The following KIF7 variants were observed in gnomAD, a reference collection of about 807,000 sequenced individuals.
The protein encoded by KIF7 is kinesin family member 7, also known as kinesin-like protein KIF7.
A neutral mutation model predicts 135.7 loss-of-function variants in KIF7; 104 were observed. The ratio of observed to expected loss-of-function variants is 0.77; its 90% CI spans 0.65 to 0.90. KIF7 has a LOEUF of 0.90. Ranked by LOEUF, KIF7 falls within the 40% of genes least tolerant of loss-of-function variation. The pLI, the probability that KIF7 is intolerant of heterozygous loss-of-function variation, is 0.00. For missense variants in KIF7, 2,005 were observed against 1,839.1 expected (o/e 1.09, Z -1.65); for synonymous variants, 883 against 809.4 (o/e 1.09, Z -1.54).
At chr15:89,624,567 C>G (rs1167644280), downstream of KIF7, 3 of 1,613,844 alleles carry the variant, frequency 1.9e-6, no homozygotes, top group African/African-American at 4.0e-5. Context: ...CCCCCACAGA[C>G]TCTAGAGATG....
intron 1 of KIF7, among the ~76,000 whole-genome samples, chr15:89,653,532 C>A (rs1005373486): frequency 6.6e-6 from 1 of 152,160 alleles, no homozygotes; most frequent in Non-Finnish European, 1.5e-5. Flanking sequence ...GCAGCCTTCC[C>A]CCTGGCATCA....
chr15:89,649,207 G>A lies in KIF7; in HGVS notation c.690C>T (p.Arg230=), dbSNP rs755148549. ...CGGGGCGGGGTAGGCGGCTGGGGGC[G>A]CGCCCCCGCTGCTCCAGGGTCACGG... is the stretch of plus-strand genomic sequence containing the variant. ...VFTVTLEQRG[R]APSRLPRPAP... Residue 230 remains arginine (R), a synonymous_variant, in exon 4 of 19, where the codon CGC becomes CGT. Transcript: ENST00000394412. 7 of 1,545,896 alleles carry A rather than the reference G, an allele frequency of 4.5e-6. No individual in the cohort carries two copies. The highest frequency in any genetic ancestry group is 6.1e-6 in the Non-Finnish European group (7 of 1,145,702).
downstream of KIF7, chr15:89,626,826 A>T: frequency 1.0e-6 from 1 of 993,214 alleles, no homozygotes; most frequent in Non-Finnish European, 1.5e-6. Context: ...CTGTAGGATA[A>T]GCGAACCTCC....
intron 11 of KIF7, among the ~76,000 whole-genome samples, chr15:89,634,805 C>T (rs1044706986): frequency 2.0e-5 from 3 of 152,324 alleles, no homozygotes; most frequent in East Asian, 1.9e-4. Context: ...CTGGGAAGCT[C>T]GATCTGGGTG....
chr15:89,652,717 G>T lies in KIF7; in HGVS notation c.214C>A (p.Gln72Lys). ...TCAAGGAGGGGCTGAACGCAGGCCT[G>T]GTACACGGCCTCCTGCCCCGCATCC... Reference protein sequence around the residue: ...AEDAGQEAVYQACVQPLLEAF... With the variant: ...AEDAGQEAVYKACVQPLLEAF... Residue 72 changes from glutamine to lysine, a missense_variant, in exon 2 of 19, where the codon CAG (glutamine) becomes AAG (lysine). Physicochemically the swap from Gln to Lys is moderately conservative, Grantham distance 53. Transcript: ENST00000394412. 1.3e-6 allele frequency: 2 copies of T among 1,551,766 alleles called. No homozygotes were observed. The highest frequency in any genetic ancestry group is 1.2e-5 in the South Asian group (1 of 84,062).
chr15:89,652,672 T>G lies in KIF7; in HGVS notation c.259A>C (p.Asn87His), dbSNP rs147947221. ...TGACCATAGGCAAAGACAGTGGCAT[T>G]GAAGCCCTCGAAGAAGGCCTCAAGG... ...PLLEAFFEGF[N>H]ATVFAYGQTG... is the part of the protein sequence containing the mutation. The change falls in exon 2 of 19, where the codon AAT becomes CAT. Residue 87 changes from asparagine (N) to histidine (H), a missense_variant. Transcript: ENST00000394412. 6.8e-5 allele frequency: 106 copies of G among 1,551,182 alleles called. No homozygotes were observed. In the East Asian group the frequency reaches 2.5e-3, roughly 37 times the overall value.
At chr15:89,628,907 G>A in intron 18 of KIF7, 69 bp downstream of exon 18, 3 of 1,611,994 alleles carry the variant, frequency 1.9e-6, no homozygotes, top group Non-Finnish European at 1.7e-6. Flanking sequence ...AGGCTCGAGG[G>A]AGAGTGGTCT....
Position 89,648,371 on chromosome 15 carries a change from A to G in KIF7, c.1327T>C (p.Trp443Arg). 3 of 1,240,154 alleles carry G rather than the reference A, an allele frequency of 2.4e-6. No homozygotes were observed. Among genetic ancestry groups the G allele is most frequent in the South Asian group, 2.6e-5 (1 of 39,182 alleles). 76.8% of individuals were successfully genotyped at this position (1,240,154 alleles called of 1,614,324 possible). Reference sequence around the variant, plus strand: ...CGCTCGCCCTCGACGGCGCACAGCCAGTCGCGCACCTTGCGGGCGGCGGCG... The same window carrying G: ...CGCTCGCCCTCGACGGCGCACAGCCGGTCGCGCACCTTGCGGGCGGCGGCG... ...PGAAARKVRD[W>R]LCAVEGERSA... The change falls in exon 5 of 19, where the codon TGG (tryptophan) becomes CGG (arginine). Residue 443 changes from tryptophan (W) to arginine (R), a missense_variant. Transcript: ENST00000394412.
At chr15:89,623,554 A>G, downstream of KIF7, 1 of 1,460,704 alleles carries the variant, frequency 6.8e-7, no homozygotes, top group East Asian at 2.3e-5. Flanking sequence ...GGTCTTAGAG[A>G]TTACTAAAAC....
At chr15:89,644,338 A>G (rs1963972072) in intron 10 of KIF7, among the ~76,000 whole-genome samples, 1 of 152,170 alleles carries the variant, frequency 6.6e-6, no homozygotes, top group South Asian at 2.1e-4. Context: ...ACTGAGAGAT[A>G]CTTCGCCCAG....
upstream of KIF7, among the ~76,000 whole-genome samples, chr15:89,659,548 G>T (rs992585735): frequency 1.3e-5 from 2 of 152,026 alleles, no homozygotes; most frequent in Admixed American, 6.6e-5. Flanking sequence ...AGGGAAGAAA[G>T]AAAAGAGAAG....
At position 89,649,752 on chromosome 15, in the gene KIF7, C is replaced by A; in HGVS notation, c.518G>T (p.Arg173Leu). ...CCAGAGTTCCTCACCAACATTCCCG[C>A]GCTCATCTTCCCGGAGCTGGATGTC... ...SRDIQLREDERGNVVLCGVKE... is the reference protein window; with the variant it reads ...SRDIQLREDELGNVVLCGVKE... Residue 173 changes from arginine to leucine, a missense_variant, in exon 3 of 19, where the codon CGC becomes CTC. By Grantham distance (102) the Arg-to-Leu change is moderately radical. Transcript: ENST00000394412. 2 of 1,551,870 alleles carry A rather than the reference C, an allele frequency of 1.3e-6. No individual in the cohort carries two copies. The highest frequency in any genetic ancestry group is 8.7e-7 in the Non-Finnish European group (1 of 1,147,024).
chr15:89,637,611 C>T (rs1963835777), intron 11 of KIF7, among the ~76,000 whole-genome samples: 1 of 148,946 alleles, frequency 6.7e-6, no homozygotes, highest in Non-Finnish European at 1.5e-5. Flanking sequence ...TCTCCCAAGA[C>T]TAAACCAGGA....
upstream of KIF7, among the ~76,000 whole-genome samples, chr15:89,660,071 G>A (rs140334471): frequency 5.9e-4 from 90 of 152,196 alleles, 3 homozygotes; most frequent in Middle Eastern, 6.8e-3. Flanking sequence ...GGTGGCGAGC[G>A]CCTGTAGTCC....
At chr15:89,653,451 C>T (rs1964157008) in intron 1 of KIF7, among the ~76,000 whole-genome samples, 1 of 152,232 alleles carries the variant, frequency 6.6e-6, no homozygotes, top group Non-Finnish European at 1.5e-5. Context: ...CTCTCAAGTT[C>T]ACCTGCTGCT....
chr15:89,634,254 G>A (rs1289348909), intron 11 of KIF7, among the ~76,000 whole-genome samples: 8 of 152,164 alleles, frequency 5.3e-5, no homozygotes, highest in African/African-American at 1.2e-4. Context: ...AGCCGGGATC[G>A]TGCCACTGCA....
downstream of KIF7, chr15:89,625,072 C>T (rs867915562): frequency 6.2e-7 from 1 of 1,613,920 alleles, no homozygotes; most frequent in Non-Finnish European, 8.5e-7. Flanking sequence ...AGAGGCTGAG[C>T]CCCTCAGCAA....
chr15:89,634,165 G>C (rs781600351), intron 11 of KIF7, among the ~76,000 whole-genome samples: 3 of 152,182 alleles, frequency 2.0e-5, no homozygotes, highest in East Asian at 3.9e-4. Flanking sequence ...TGGGTTTGGT[G>C]GTGGGTGCCT....
Position 89,630,365 on chromosome 15 carries a change from G to A in KIF7, c.3240C>T (p.Cys1080=), listed in dbSNP as rs757004181. 27 of 1,614,014 alleles carry A rather than the reference G, an allele frequency of 1.7e-5. No individual in the cohort carries two copies. Among genetic ancestry groups the A allele is most frequent in the South Asian group, 3.3e-5 (3 of 91,056 alleles). ...TGAGCTTGGCCATGAGGTTCATCTC[G>A]CACTGGGACAGCAACGAGGCTGAGG... ...LRASASLLSQ[C]EMNLMAKLSY... Residue 1080 remains cysteine, a synonymous_variant, in exon 16 of 19, where the codon TGC becomes TGT. Transcript: ENST00000394412.
Sources: allele counts gnomAD v4.1 joint callset (sites outside exome capture counted in the v4.1 genomes callset), GRCh38; gene constraint gnomAD v4.1.1; transcripts MANE v1.5; gene names NCBI Gene and HGNC (gene_info 2026-07-23, HGNC 2026-07-21).